Variants in TENM3 observed in about 807,000 individuals in gnomAD.
The protein encoded by TENM3 is teneurin transmembrane protein 3.
TENM3 carries 63 observed loss-of-function variants against 255.1 expected under a neutral mutation model. The observed-to-expected ratio is 0.25, with a 90% CI of 0.20 to 0.30. The LOEUF is 0.30. Among genes scored for constraint, TENM3 ranks in the 10% least tolerant of loss-of-function variants. TENM3 has a pLI of 1.00. For synonymous variants in TENM3, 1,306 were observed against 1,322.3 expected, an observed-to-expected ratio of 0.99 and a Z score of 0.27; for missense variants, 2,929 against 3,461.1, an observed-to-expected ratio of 0.85 and a Z score of 3.86.
chr4:182,563,833 T>C (rs1418472233), intron 3 of TENM3, among the ~76,000 whole-genome samples: 1 of 152,336 alleles, frequency 6.6e-6, no homozygotes, highest in East Asian at 1.9e-4. Context: ...TAAACCCTTA[T>C]TGATTAGAAA....
the TENM3 span, among the ~76,000 whole-genome samples, chr4:181,583,176 A>C: frequency 1.3e-5 from 2 of 151,694 alleles, no homozygotes; most frequent in Non-Finnish European, 2.9e-5. Flanking sequence ...TGTAATTAAT[A>C]AAAGGAAAGC....
At chr4:182,343,733 C>T (rs923277823) in intron 2 of TENM3, among the ~76,000 whole-genome samples, 2 of 151,288 alleles carry the variant, frequency 1.3e-5, no homozygotes, top group African/African-American at 4.9e-5. Flanking sequence ...AGATGTTTTC[C>T]ATCAGCATAG....
intron 1 of TENM3, among the ~76,000 whole-genome samples, chr4:182,216,558 A>C (rs1376219691): frequency 6.6e-6 from 1 of 152,222 alleles, no homozygotes; most frequent in East Asian, 1.9e-4. Flanking sequence ...CACCAAGCCT[A>C]CCTGAATAGG....
chr4:182,477,178 T>A lies in TENM3; in HGVS notation c.512-123746T>A, dbSNP rs537877840. Among the ~76,000 whole-genome samples, 6 of 152,336 alleles carry A rather than the reference T, an allele frequency of 3.9e-5. No individual in the cohort carries two copies. The East Asian group carries it at 9.7e-4, about 25-fold the overall frequency. On this transcript the variant is annotated intron_variant, in intron 3 of 27. Coordinates refer to ENST00000511685, the MANE Select transcript of TENM3 (RefSeq NM_001080477.4). The stretch of plus-strand genomic sequence containing the variant: ...TTTTCACTGTCCATTTTCTTCAAAA[T>A]CTACGATTTGATCAAAACCTTCAAG...
At chr4:181,820,566 T>A in the TENM3 span, among the ~76,000 whole-genome samples, 1 of 152,132 alleles carries the variant, frequency 6.6e-6, no homozygotes, top group Non-Finnish European at 1.5e-5. Context: ...TTGATTGTAC[T>A]GTTTTCTTTA....
the TENM3 span, among the ~76,000 whole-genome samples, chr4:181,673,848 GT>G: frequency 2.5e-4 from 9 of 36,560 alleles, no homozygotes; most frequent in South Asian, 0.011. Flanking sequence ...AGTGTGTGGT[GT>G]GTGTGTGTGT....
chr4:181,454,307 G>A, the TENM3 span, among the ~76,000 whole-genome samples: 1 of 152,238 alleles, frequency 6.6e-6, no homozygotes, highest in African/African-American at 2.4e-5. Context: ...ATACAGTCAT[G>A]TACCGCATAA....
the TENM3 span, among the ~76,000 whole-genome samples, chr4:181,932,079 A>G: frequency 6.6e-6 from 1 of 152,228 alleles, no homozygotes; most frequent in Non-Finnish European, 1.5e-5. Context: ...AGAAAAACCT[A>G]GGCAATACCA....
the TENM3 span, among the ~76,000 whole-genome samples, chr4:181,500,371 A>G: frequency 9.2e-5 from 14 of 151,566 alleles, no homozygotes; most frequent in East Asian, 2.7e-3. Context: ...TCTCAGGCAG[A>G]TAGCCCTGAC....
chr4:181,734,752 C>G, the TENM3 span, among the ~76,000 whole-genome samples: 1 of 152,244 alleles, frequency 6.6e-6, no homozygotes, highest in African/African-American at 2.4e-5. Flanking sequence ...ATAAGAGATA[C>G]AAGCCTTAGC....
chr4:181,692,464 A>G, the TENM3 span, among the ~76,000 whole-genome samples: 1 of 152,226 alleles, frequency 6.6e-6, no homozygotes. Flanking sequence ...AACAAGATGC[A>G]TGTAACTGAG....
intron 10 of TENM3, among the ~76,000 whole-genome samples, chr4:182,681,330 C>G (rs1366651533): frequency 1.3e-5 from 2 of 152,170 alleles, no homozygotes; most frequent in African/African-American, 4.8e-5. Flanking sequence ...GCCATTGACC[C>G]TACAAGTGTA....
the TENM3 span, among the ~76,000 whole-genome samples, chr4:181,578,321 T>G: frequency 6.6e-6 from 1 of 152,194 alleles, no homozygotes; most frequent in Non-Finnish European, 1.5e-5. Flanking sequence ...CCAAGCCCTC[T>G]GATTAGGCCT....
At chr4:182,637,470 C>T (rs998043986) in intron 5 of TENM3, among the ~76,000 whole-genome samples, 1 of 152,140 alleles carries the variant, frequency 6.6e-6, no homozygotes, top group Non-Finnish European at 1.5e-5. Context: ...GCTGTAATGC[C>T]TGATGATCAT....
chr4:182,022,173 A>AAAG, the TENM3 span, among the ~76,000 whole-genome samples: 129 of 149,544 alleles, frequency 8.6e-4, no homozygotes, highest in Non-Finnish European at 1.4e-3. Context: ...GATTGGATAA[A>AAAG]AAAAAAAAAA....
At chr4:182,011,703 G>A in the TENM3 span, among the ~76,000 whole-genome samples, 4 of 152,184 alleles carry the variant, frequency 2.6e-5, no homozygotes, top group South Asian at 2.1e-4. Flanking sequence ...AAAAAGGGTC[G>A]AATACTATTT....
At chr4:181,769,586 A>G in the TENM3 span, among the ~76,000 whole-genome samples, 1 of 152,236 alleles carries the variant, frequency 6.6e-6, no homozygotes, top group Admixed American at 6.5e-5. Context: ...TCATTCATCA[A>G]TGGGTTAAAA....
chr4:182,388,551 T>C (rs901098949), intron 3 of TENM3, among the ~76,000 whole-genome samples: 4 of 152,238 alleles, frequency 2.6e-5, no homozygotes, highest in African/African-American at 7.2e-5. Flanking sequence ...CAGGAGGCTA[T>C]GCAGCAACTT....
chr4:182,041,831 C>T, the TENM3 span, among the ~76,000 whole-genome samples: 2 of 152,172 alleles, frequency 1.3e-5, no homozygotes, highest in Non-Finnish European at 2.9e-5. Flanking sequence ...GTTACTTTCA[C>T]GAAGCTACAG....
Sources: gnomAD v4.1 joint callset for allele counts (sites outside exome capture counted in the v4.1 genomes callset) on GRCh38, gnomAD v4.1.1 for gene constraint, MANE v1.5 for transcripts, NCBI Gene and HGNC (gene_info 2026-07-23, HGNC 2026-07-21) for gene names.